The following ZC3H12B variants were observed in gnomAD, a reference collection of about 807,000 sequenced individuals.
ZC3H12B encodes zinc finger CCCH-type containing 12B.
In ZC3H12B, 7 loss-of-function variants were observed where a neutral mutation model predicts 43.9. The observed-to-expected ratio is 0.16, with a 90% CI of 0.09 to 0.30. The LOEUF is 0.30. Ranked by LOEUF, ZC3H12B falls within the 10% of genes least tolerant of loss-of-function variation. The probability of loss-of-function intolerance (pLI) is 1.00; values close to 1 mark genes in which losing one functional copy is unlikely to be tolerated. For missense variants in ZC3H12B, 475 were observed against 670.2 expected (o/e 0.71, Z 3.22); for synonymous variants, 222 against 241.7 (o/e 0.92, Z 0.76).
chrX:65,259,902 T>C, the ZC3H12B span, among the ~76,000 whole-genome samples: 1 of 111,655 alleles, frequency 9.0e-6, no homozygotes, highest in Non-Finnish European at 1.9e-5. Flanking sequence ...TAAAAGGAAA[T>C]GAAATAATGG....
In ZC3H12B at chrX:65,383,653, A is replaced by G. The variant is rs746750191; in HGVS notation, n.295+14655A>G. Among the ~76,000 whole-genome samples the G allele has an allele frequency of 3.0e-3, 330 of 111,072 alleles. 1 individual carries two copies. The highest frequency in any genetic ancestry group is 0.01 in the African/African-American group (316 of 30,675). ...CTGCACAGCAAAAGAAACTACCATC[A>G]GAGTGAACAGGCCACCTACAAAATG... On this transcript the variant is annotated intron_variant and non_coding_transcript_variant, in intron 2 of 5. Transcript: ENST00000617377.
At chrX:65,239,000 C>T in the ZC3H12B span, among the ~76,000 whole-genome samples, 2 of 111,506 alleles carry the variant, frequency 1.8e-5, no homozygotes, top group Non-Finnish European at 3.8e-5. Context: ...GTTTTATTTC[C>T]GATTATGTTA....
chrX:65,466,478 C>T (rs2067819183), intron 3 of ZC3H12B, among the ~76,000 whole-genome samples: 3 of 109,967 alleles, frequency 2.7e-5, no homozygotes, highest in Non-Finnish European at 5.7e-5. Context: ...CATCAGTGGA[C>T]ATTAAGGTTT....
rs750741562 is a variant in ZC3H12B at position 65,435,494 on chromosome X, G to A, written n.407+36790G>A. On this transcript the variant is annotated intron_variant and non_coding_transcript_variant, in intron 3 of 5. Transcript: ENST00000617377. ...TGTACTATTGGAAATAGAGTCCTTA[G>A]CATTTTTAAGTGTGATGACATTAGA... Among the ~76,000 whole-genome samples, 3 of 111,503 alleles carry A rather than the reference G, an allele frequency of 2.7e-5. No individual in the cohort carries two copies. In the East Asian group the frequency reaches 8.4e-4, roughly 31 times the overall value.
chrX:65,114,812 G>A, the ZC3H12B span, among the ~76,000 whole-genome samples: 1 of 108,045 alleles, frequency 9.3e-6, no homozygotes, highest in Non-Finnish European at 1.9e-5. Context: ...CTAGGTTCTT[G>A]AGGTGGGAGC....
At chrX:65,457,457 C>G (rs1402280308) in intron 3 of ZC3H12B, among the ~76,000 whole-genome samples, 1 of 83,279 alleles carries the variant, frequency 1.2e-5, no homozygotes, top group Non-Finnish European at 2.2e-5. Flanking sequence ...GGTCAGCCCC[C>G]CGCCCGGCCA....
intron 2 of ZC3H12B, among the ~76,000 whole-genome samples, chrX:65,377,288 C>A (rs1012179785): frequency 9.2e-6 from 1 of 108,678 alleles, no homozygotes; most frequent in Non-Finnish European, 1.9e-5. Flanking sequence ...CTCGTAAGAG[C>A]AAATTTAAGA....
At chrX:65,149,964 G>T in the ZC3H12B span, among the ~76,000 whole-genome samples, 2 of 109,667 alleles carry the variant, frequency 1.8e-5, no homozygotes, top group Non-Finnish European at 3.8e-5. Flanking sequence ...TAAACTGATT[G>T]AGTTCCTTAA....
intron 3 of ZC3H12B, among the ~76,000 whole-genome samples, chrX:65,468,650 A>ATTTTTTT (rs60716703): frequency 4.0e-5 from 3 of 74,938 alleles, no homozygotes; most frequent in Admixed American, 1.5e-4. Context: ...TGCCCGGCTA[A>ATTTTTTT]TTTTTTTTTT....
intron 2 of ZC3H12B, among the ~76,000 whole-genome samples, chrX:65,398,352 T>A (rs1384480486): frequency 8.9e-6 from 1 of 112,071 alleles, no homozygotes; most frequent in Admixed American, 9.5e-5. Flanking sequence ...AGTAATCACA[T>A]TACCTGATTC....
At chrX:65,183,452 T>G in the ZC3H12B span, among the ~76,000 whole-genome samples, 1 of 111,139 alleles carries the variant, frequency 9.0e-6, no homozygotes, top group Admixed American at 9.7e-5. Context: ...AAAAACTACT[T>G]AATTGGGTAC....
chrX:65,083,757 T>C, the ZC3H12B span, among the ~76,000 whole-genome samples: 1 of 111,820 alleles, frequency 8.9e-6, no homozygotes, highest in African/African-American at 3.2e-5. Flanking sequence ...AATACAATCC[T>C]AAATTTTATG....
At chrX:65,304,630 C>CA in the ZC3H12B span, among the ~76,000 whole-genome samples, 1 of 102,122 alleles carries the variant, frequency 9.8e-6, no homozygotes, top group Non-Finnish European at 2.0e-5. Flanking sequence ...AAAAAAAAAA[C>CA]AAAAAACAAA....
chrX:65,249,796 A>ATTTTTTTT, the ZC3H12B span, among the ~76,000 whole-genome samples: 3 of 48,940 alleles, frequency 6.1e-5, no homozygotes, highest in Admixed American at 4.9e-4. Flanking sequence ...ATTCCTAAGT[A>ATTTTTTTT]TTTTTTTTTT....
the ZC3H12B span, among the ~76,000 whole-genome samples, chrX:65,325,704 C>T: frequency 1.8e-5 from 2 of 110,951 alleles, no homozygotes; most frequent in African/African-American, 6.5e-5. Flanking sequence ...AGCACTATTC[C>T]AATGTCATTT....
At chrX:65,278,690 A>G in the ZC3H12B span, among the ~76,000 whole-genome samples, 2 of 111,175 alleles carry the variant, frequency 1.8e-5, no homozygotes, top group South Asian at 3.8e-4. Context: ...TTCATGTGAA[A>G]GTTTGTTACA....
the ZC3H12B span, among the ~76,000 whole-genome samples, chrX:65,250,508 C>T: frequency 8.9e-6 from 1 of 111,845 alleles, no homozygotes; most frequent in Non-Finnish European, 1.9e-5. Context: ...TGAGGAATTG[C>T]CACACTGCCT....
At chrX:65,215,326 A>T in the ZC3H12B span, among the ~76,000 whole-genome samples, 1 of 111,873 alleles carries the variant, frequency 8.9e-6, no homozygotes, top group Non-Finnish European at 1.9e-5. Context: ...CAAATAGAAG[A>T]CAGTTTTGTC....
At chrX:65,159,652 G>A in the ZC3H12B span, among the ~76,000 whole-genome samples, 2 of 110,959 alleles carry the variant, frequency 1.8e-5, no homozygotes, top group Non-Finnish European at 3.8e-5. Flanking sequence ...TCAGCTTAAG[G>A]AGATTTTCGG....
Sources: allele counts gnomAD v4.1 joint callset (sites outside exome capture counted in the v4.1 genomes callset), GRCh38; gene constraint gnomAD v4.1.1; transcripts MANE v1.5; gene names NCBI Gene and HGNC (gene_info 2026-07-23, HGNC 2026-07-21).